The following SDK1 variants were observed in gnomAD, a reference collection of about 807,000 sequenced individuals.
The protein encoded by SDK1 is sidekick cell adhesion molecule 1, also known as protein sidekick-1.
Under a neutral mutation model 245.5 loss-of-function variants are expected in SDK1, and 157 were observed. The observed-to-expected ratio is 0.64, with a 90% CI of 0.56 to 0.73. The LOEUF (loss-of-function observed/expected upper bound fraction) is 0.73, where lower values mean the gene tolerates loss of function less well. SDK1 is among the 30% of genes least tolerant of loss of function. SDK1 has a pLI of 0.00. For missense variants in SDK1, 3,583 were observed against 3,002.3 expected (o/e 1.19, Z -4.52); for synonymous variants, 1,647 against 1,278.5 (o/e 1.29, Z -6.15).
Position 3,649,780 on chromosome 7 carries a change from C to T in SDK1, c.713+7675C>T, listed in dbSNP as rs560183927. Reference sequence around the variant, plus strand: ...TGACTCCTAAGTCCACACCGTTCCACCGTGTATATGAGGCTGTTCTCCCAG... The same window carrying T: ...TGACTCCTAAGTCCACACCGTTCCATCGTGTATATGAGGCTGTTCTCCCAG... On this transcript the variant is annotated intron_variant, in intron 4 of 44. Coordinates refer to ENST00000404826, the MANE Select transcript of SDK1 (RefSeq NM_152744.4). Among the ~76,000 whole-genome samples, 308 of 152,188 alleles carry T rather than the reference C, an allele frequency of 2.0e-3. 4 individuals carry two copies. Among genetic ancestry groups the T allele is most frequent in the African/African-American group, 7.3e-3 (303 of 41,510 alleles).
intron 1 of SDK1, among the ~76,000 whole-genome samples, chr7:3,593,914 CTG>C (rs374979886): frequency 1.1e-4 from 16 of 152,340 alleles, no homozygotes; most frequent in Admixed American, 4.6e-4. Flanking sequence ...CTAGCATAAA[CTG>C]TTGTTTCCTA....
intron 5 of SDK1, among the ~76,000 whole-genome samples, chr7:3,850,216 C>G (rs4720065): frequency 6.6e-6 from 1 of 152,206 alleles, no homozygotes; most frequent in African/African-American, 2.4e-5. Flanking sequence ...CTTTGGCAAG[C>G]TAAGAAGCCT....
At chr7:4,016,575 A>C (rs557727771) in intron 16 of SDK1, among the ~76,000 whole-genome samples, 12 of 152,380 alleles carry the variant, frequency 7.9e-5, no homozygotes, top group African/African-American at 2.9e-4. Context: ...TTCCACCTTT[A>C]GTATGCTAAG....
chr7:3,495,252 CTT>C (rs71029675), intron 1 of SDK1, among the ~76,000 whole-genome samples: 27 of 99,762 alleles, frequency 2.7e-4, no homozygotes, highest in South Asian at 3.6e-4. Flanking sequence ...CATAATGGTT[CTT>C]TTTTTTTTTT....
intron 4 of SDK1, among the ~76,000 whole-genome samples, chr7:3,779,132 A>T (rs1487927553): frequency 6.6e-6 from 1 of 152,210 alleles, no homozygotes; most frequent in African/African-American, 2.4e-5. Flanking sequence ...ATATTATTTT[A>T]AATTGATTGA....
chr7:3,465,842 C>CA (rs1780983039), intron 1 of SDK1, among the ~76,000 whole-genome samples: 1 of 152,182 alleles, frequency 6.6e-6, no homozygotes, highest in South Asian at 2.1e-4. Context: ...ATCAGTCTAA[C>CA]ACTCCAAGCA....
intron 4 of SDK1, among the ~76,000 whole-genome samples, chr7:3,816,660 C>T (rs1208981483): frequency 1.3e-5 from 2 of 152,026 alleles, no homozygotes; most frequent in Non-Finnish European, 2.9e-5. Flanking sequence ...CGAATTCTAC[C>T]AGAGGTACAA....
chr7:3,656,706 T>C (rs1028498136), intron 4 of SDK1, among the ~76,000 whole-genome samples: 3 of 151,846 alleles, frequency 2.0e-5, no homozygotes, highest in Non-Finnish European at 4.4e-5. Flanking sequence ...CCTGGTCTTA[T>C]CTGGTCTTAT....
chr7:4,254,645 T>TC (rs1250718667), intron 44 of SDK1, among the ~76,000 whole-genome samples: 1 of 151,820 alleles, frequency 6.6e-6, no homozygotes, highest in Non-Finnish European at 1.5e-5. Context: ...TTTTTTTTTT[T>TC]CCTGTGTATG....
chr7:4,012,788 G>T (rs1237868770), intron 16 of SDK1, among the ~76,000 whole-genome samples: 1 of 151,624 alleles, frequency 6.6e-6, no homozygotes, highest in Non-Finnish European at 1.5e-5. Context: ...TGACCAAGCT[G>T]GTCTCAAACT....
chr7:3,619,978 T>C (rs1345948806), intron 2 of SDK1, among the ~76,000 whole-genome samples: 1 of 152,228 alleles, frequency 6.6e-6, no homozygotes, highest in Non-Finnish European at 1.5e-5. Flanking sequence ...TAATATTACA[T>C]GCTGCAGTTC....
At chr7:4,054,313 T>C (rs1779068638) in intron 19 of SDK1, among the ~76,000 whole-genome samples, 2 of 152,228 alleles carry the variant, frequency 1.3e-5, no homozygotes, top group African/African-American at 4.8e-5. Flanking sequence ...TGAGACCGTG[T>C]ACATTTAGCC....
intron 5 of SDK1, among the ~76,000 whole-genome samples, chr7:3,854,171 T>C (rs1393601325): frequency 6.6e-6 from 1 of 152,092 alleles, no homozygotes; most frequent in Non-Finnish European, 1.5e-5. Flanking sequence ...AGAAAACTTT[T>C]AGGAGCCAAA....
chr7:4,223,783 A>T (rs532515969), intron 40 of SDK1, among the ~76,000 whole-genome samples: 2 of 152,304 alleles, frequency 1.3e-5, no homozygotes, highest in Non-Finnish European at 2.9e-5. Flanking sequence ...TTCAATGCAT[A>T]ATATTAGCTA....
intron 4 of SDK1, among the ~76,000 whole-genome samples, chr7:3,769,287 G>A (rs529272661): frequency 6.6e-6 from 1 of 152,132 alleles, no homozygotes; most frequent in Admixed American, 6.5e-5. Flanking sequence ...AAGATCAAGG[G>A]TCTGCATTTG....
intron 4 of SDK1, among the ~76,000 whole-genome samples, chr7:3,689,136 G>C (rs1375231360): frequency 1.3e-5 from 2 of 152,188 alleles, no homozygotes; most frequent in Admixed American, 6.5e-5. Flanking sequence ...CATATGGCCT[G>C]CAAACCCTAA....
At chr7:3,589,074 A>G (rs1200296437) in intron 1 of SDK1, among the ~76,000 whole-genome samples, 3 of 152,266 alleles carry the variant, frequency 2.0e-5, no homozygotes, top group African/African-American at 7.2e-5. Flanking sequence ...CATCAAGTCA[A>G]TTCTGCAACT....
chr7:3,745,193 C>T (rs554327351), intron 4 of SDK1, among the ~76,000 whole-genome samples: 1 of 152,304 alleles, frequency 6.6e-6, no homozygotes, highest in African/African-American at 2.4e-5. Context: ...AGTCACTTAG[C>T]TCAGTTTCTC....
At chr7:3,639,414 A>G (rs1281609552) in intron 3 of SDK1, among the ~76,000 whole-genome samples, 1 of 152,152 alleles carries the variant, frequency 6.6e-6, no homozygotes, top group African/African-American at 2.4e-5. Context: ...CTTAGCTTGT[A>G]CTATGTTTGG....
Sources: allele counts gnomAD v4.1 joint callset (sites outside exome capture counted in the v4.1 genomes callset), GRCh38; gene constraint gnomAD v4.1.1; transcripts MANE v1.5; gene names NCBI Gene and HGNC (gene_info 2026-07-23, HGNC 2026-07-21).